PRDM16: variants seen among roughly 807,000 people sequenced by gnomAD.
The protein encoded by PRDM16 is histone-lysine N-methyltransferase PRDM16.
PRDM16 carries 23 observed loss-of-function variants against 110.6 expected under a neutral mutation model. That is an observed-to-expected ratio of 0.21 (90% CI 0.15 to 0.29). PRDM16 has a LOEUF of 0.29. Among genes scored for constraint, PRDM16 ranks in the 10% least tolerant of loss-of-function variants. The probability of loss-of-function intolerance (pLI) is 1.00; values close to 1 mark genes in which losing one functional copy is unlikely to be tolerated. For missense variants in PRDM16, 1,615 were observed against 1,794.3 expected (o/e 0.90, Z 1.81); for synonymous variants, 799 against 781.8 (o/e 1.02, Z -0.37).
At chr1:3,254,312 C>A (rs1640001523) in intron 3 of PRDM16, among the ~76,000 whole-genome samples, 3 of 152,000 alleles carry the variant, frequency 2.0e-5, no homozygotes, top group Admixed American at 2.0e-4. Context: ...CTGGCCAGGG[C>A]AGTTAGGCAG....
intron 8 of PRDM16, among the ~76,000 whole-genome samples, chr1:3,410,494 C>T (rs766711254): frequency 3.7e-4 from 56 of 152,338 alleles, no homozygotes; most frequent in Admixed American, 8.5e-4. Flanking sequence ...CCATGTCCAC[C>T]TCCAGCCATC....
chr1:3,319,402 A>G (rs1376626017), intron 3 of PRDM16, among the ~76,000 whole-genome samples: 2 of 152,168 alleles, frequency 1.3e-5, no homozygotes, highest in African/African-American at 4.8e-5. Context: ...CTTCTCCACC[A>G]TGAGCGGGTC....
chr1:3,408,623 AGT>A (rs989337737), intron 8 of PRDM16, among the ~76,000 whole-genome samples: 3 of 137,106 alleles, frequency 2.2e-5, no homozygotes, highest in Non-Finnish European at 3.1e-5. Flanking sequence ...TGAGTGCATG[AGT>A]GTGGGTGCGT....
At chr1:3,253,478 G>A (rs1020594924) in intron 3 of PRDM16, among the ~76,000 whole-genome samples, 15 of 151,108 alleles carry the variant, frequency 9.9e-5, no homozygotes, top group African/African-American at 2.4e-4. Context: ...TTGTCCTTGC[G>A]ATAGTTTATT....
intron 3 of PRDM16, among the ~76,000 whole-genome samples, chr1:3,326,263 C>T (rs1422858903): frequency 1.3e-5 from 2 of 152,262 alleles, no homozygotes; most frequent in Non-Finnish European, 2.9e-5. Context: ...CCTCTGTCTT[C>T]ACATGAGCAC....
At position 3,339,345 on chromosome 1, in the gene PRDM16, G is replaced by A. The variant is rs937685354; in HGVS notation, c.439-45807G>A. On this transcript the variant is annotated intron_variant, in intron 3 of 16. Transcript: ENST00000270722. This position sits in a 1 kb window ranked among gnomAD's most constrained non-coding sequence, Gnocchi z 5.0. ...GGTGAGGCACAGGGTGGGCCTCCGC[G>A]CATCCGTGCCCGGAAGCAGGAACAG... Among the ~76,000 whole-genome samples the A allele has an allele frequency of 2.6e-5, 4 of 152,104 alleles. No individual in the cohort carries two copies. The highest frequency in any genetic ancestry group is 7.2e-5 in the African/African-American group (3 of 41,400).
chr1:3,404,917 C>A, intron 7 of PRDM16, 31 bp downstream of exon 7: 1 of 1,606,104 alleles, frequency 6.2e-7, no homozygotes, highest in Non-Finnish European at 8.5e-7. Flanking sequence ...GTCTCAGCCC[C>A]GGGGCAGCAG....
intron 2 of PRDM16, among the ~76,000 whole-genome samples, chr1:3,202,272 T>A (rs1306744438): frequency 6.6e-6 from 1 of 151,840 alleles, no homozygotes; most frequent in Admixed American, 6.6e-5. Flanking sequence ...GGACGTCAGA[T>A]GTCAGCTGCA....
chr1:3,407,868 C>T (rs536906111), intron 8 of PRDM16, among the ~76,000 whole-genome samples: 1 of 152,356 alleles, frequency 6.6e-6, no homozygotes, highest in East Asian at 1.9e-4. Flanking sequence ...CTTGTCCACA[C>T]ACTCGGCTCA....
intron 3 of PRDM16, among the ~76,000 whole-genome samples, chr1:3,374,841 G>T (rs1048642416): frequency 2.0e-5 from 3 of 152,304 alleles, no homozygotes; most frequent in South Asian, 4.1e-4. Flanking sequence ...CCCAGGTACG[G>T]CCCCATTCTA....
chr1:3,276,651 G>A lies in PRDM16; in HGVS notation c.438+32514G>A, dbSNP rs892232906. Among the ~76,000 whole-genome samples, 5 of 6,260 alleles carry A rather than the reference G, an allele frequency of 8.0e-4. No homozygotes were observed. In the East Asian group the frequency reaches 0.016, roughly 21 times the overall value. The allele number at this position is 6,260 out of a possible 152,430, so 4.1% of individuals were successfully genotyped here. ...AGGGCCTTGGCAGCATGTTCAGCTC[G>A]TCGGCCCCAGCCAGCTCGAGGTGCC... is the stretch of plus-strand genomic sequence containing the variant. On this transcript the variant is annotated intron_variant, in intron 3 of 16. Coordinates refer to ENST00000270722, the MANE Select transcript of PRDM16 (RefSeq NM_022114.4).
intron 1 of PRDM16, among the ~76,000 whole-genome samples, chr1:3,120,754 C>T (rs1309597769): frequency 6.6e-6 from 1 of 152,146 alleles, no homozygotes; most frequent in Non-Finnish European, 1.5e-5. Context: ...GTGGGAGTGA[C>T]CCCAGCCAGG....
chr1:3,355,998 G>A (rs558184606), intron 3 of PRDM16, among the ~76,000 whole-genome samples: 20 of 152,092 alleles, frequency 1.3e-4, no homozygotes, highest in Non-Finnish European at 2.6e-4. Flanking sequence ...TGAGTGGCCC[G>A]TTGGTGACAA....
Position 3,412,026 on chromosome 1 carries a change from C to A in PRDM16, c.1829C>A (p.Thr610Asn). 6.2e-7 allele frequency: 1 copy of A among 1,613,270 alleles called. No individual in the cohort carries two copies. Residue 610 changes from threonine (T) to asparagine (N), a missense_variant, in exon 9 of 17, where the codon ACC becomes AAC. Physicochemically the swap from Thr to Asn is moderately conservative, Grantham distance 65. Transcript: ENST00000270722. ...AGTGACTTTGAGGACGTCAACACCA[C>A]CACGGGGACCGACCTGGACACGACC... ...DGSDFEDVNT[T>N]TGTDLDTTTG...
At chr1:3,184,421 C>A (rs1644244758) in intron 1 of PRDM16, among the ~76,000 whole-genome samples, 1 of 152,190 alleles carries the variant, frequency 6.6e-6, no homozygotes, top group South Asian at 2.1e-4. Context: ...CGAGGGCCAG[C>A]AGGACCGGGG....
intron 3 of PRDM16, among the ~76,000 whole-genome samples, chr1:3,355,115 G>C (rs1025385481): frequency 6.6e-6 from 1 of 152,144 alleles, no homozygotes; most frequent in African/African-American, 2.4e-5. Context: ...TTGAGACCAG[G>C]CCTCATAGTG....
intron 3 of PRDM16, among the ~76,000 whole-genome samples, chr1:3,303,235 C>T (rs1570027848): frequency 6.6e-6 from 1 of 151,838 alleles, no homozygotes; most frequent in South Asian, 2.1e-4. Flanking sequence ...TTTCTCCTCT[C>T]CCCCCAGCCC....
chr1:3,263,123 C>T (rs913472550), intron 3 of PRDM16, among the ~76,000 whole-genome samples: 1 of 152,134 alleles, frequency 6.6e-6, no homozygotes, highest in Admixed American at 6.5e-5. Flanking sequence ...GCCTGCCTGG[C>T]GGCCCCTCCC....
intron 3 of PRDM16, among the ~76,000 whole-genome samples, chr1:3,337,534 A>G (rs1035608398): frequency 3.0e-4 from 46 of 152,202 alleles, no homozygotes; most frequent in African/African-American, 1.1e-3. Flanking sequence ...CAAGGGGACC[A>G]TCATCAGGGA....
Sources: gnomAD v4.1 joint callset for allele counts (sites outside exome capture counted in the v4.1 genomes callset) on GRCh38, gnomAD v4.1.1 for gene constraint, Gnocchi (gnomAD v3.1) non-coding constraint, MANE v1.5 for transcripts, NCBI Gene and HGNC (gene_info 2026-07-23, HGNC 2026-07-21) for gene names.